Variants in GPC3 observed in about 807,000 individuals in gnomAD.
GPC3 encodes the protein glypican 3, also known as glypican-3.
A neutral mutation model predicts 34.4 loss-of-function variants in GPC3; 3 were observed. That is an observed-to-expected ratio of 0.09 (90% CI 0.04 to 0.23). The LOEUF (loss-of-function observed/expected upper bound fraction) is 0.23, where lower values mean the gene tolerates loss of function less well. GPC3 is among the 10% of genes least tolerant of loss of function. The pLI, the probability that GPC3 is intolerant of heterozygous loss-of-function variation, is 1.00. For missense variants in GPC3, 351 were observed against 445.6 expected, an observed-to-expected ratio of 0.79 and a Z score of 1.91; for synonymous variants, 177 against 174.0, an observed-to-expected ratio of 1.02 and a Z score of -0.13.
chrX:133,576,413 T>C (rs527863603), intron 7 of GPC3, among the ~76,000 whole-genome samples: 28 of 110,905 alleles, frequency 2.5e-4, no homozygotes, highest in Admixed American at 2.4e-3. Flanking sequence ...TTAATTTTTG[T>C]ATTTTTAGCA....
chrX:133,536,401 G>T, intron 7 of GPC3, 108 bp from the exon 8 acceptor site: 1 of 402,928 alleles, frequency 2.5e-6, no homozygotes, highest in South Asian at 3.0e-5. Flanking sequence ...CCTCAGCTTT[G>T]ATTCCCTTTT....
At chrX:133,584,380 C>G (rs1603175583) in intron 7 of GPC3, among the ~76,000 whole-genome samples, 1 of 112,263 alleles carries the variant, frequency 8.9e-6, no homozygotes, top group East Asian at 2.8e-4. Context: ...GAGAACGACT[C>G]TTCTCTGAAG....
At chrX:133,546,605 T>G (rs1403617546) in intron 7 of GPC3, among the ~76,000 whole-genome samples, 1 of 111,318 alleles carries the variant, frequency 9.0e-6, no homozygotes, top group African/African-American at 3.3e-5. Flanking sequence ...TTTGGGATGA[T>G]GAAATATTTT....
At chrX:133,605,312 T>A (rs2070036762) in intron 6 of GPC3, among the ~76,000 whole-genome samples, 1 of 111,612 alleles carries the variant, frequency 9.0e-6, no homozygotes, top group African/African-American at 3.3e-5. Flanking sequence ...TTCACTTGCC[T>A]CACCTGTAAA....
intron 2 of GPC3, among the ~76,000 whole-genome samples, chrX:133,845,510 A>G (rs2075843754): frequency 8.9e-6 from 1 of 111,786 alleles, no homozygotes; most frequent in South Asian, 3.8e-4. Context: ...AGTGAGTCCC[A>G]GTAGCTAAAC....
At chrX:133,727,930 G>T (rs1603234573) in intron 3 of GPC3, among the ~76,000 whole-genome samples, 1 of 112,521 alleles carries the variant, frequency 8.9e-6, no homozygotes, top group East Asian at 2.8e-4. Flanking sequence ...AAAGGCATTT[G>T]TCATTTCAAT....
intron 2 of GPC3, among the ~76,000 whole-genome samples, chrX:133,878,723 T>C (rs1281670192): frequency 3.6e-5 from 4 of 111,621 alleles, no homozygotes; most frequent in Non-Finnish European, 7.5e-5. Context: ...TTTTAAAAGG[T>C]GAGAAAGGAT....
intron 2 of GPC3, among the ~76,000 whole-genome samples, chrX:133,760,468 A>G (rs1310305645): frequency 4.5e-5 from 5 of 112,143 alleles, no homozygotes; most frequent in Non-Finnish European, 9.4e-5. Context: ...AGATTAAGAC[A>G]CAAACAGACA....
At position 133,687,163 on chromosome X, in the gene GPC3, C is replaced by T. The variant is rs1004472816; in HGVS notation, c.1292+5206G>A. Among the ~76,000 whole-genome samples, 7 of 91,121 alleles carry T rather than the reference C, an allele frequency of 7.7e-5. No homozygotes were observed. The East Asian group carries it at 1.0e-3, about 13-fold the overall frequency. 79.1% of individuals were successfully genotyped at this position (91,121 alleles called of 115,157 possible). A position where few individuals can be genotyped will look rare whatever the true frequency, so the allele number is the denominator to read the frequency against. ...TTCACCGTGTTAGCCAGGATGGTCT[C>T]GATCTCCTGACCTCGTGATCCGCCT... On this transcript the variant is annotated intron_variant, in intron 5 of 7. Coordinates refer to ENST00000370818, the MANE Select transcript of GPC3 (RefSeq NM_004484.4).
At chrX:133,944,665 A>G (rs1184101393) in intron 2 of GPC3, among the ~76,000 whole-genome samples, 1 of 112,620 alleles carries the variant, frequency 8.9e-6, no homozygotes. Context: ...GACATTAATT[A>G]TATTAAAACA....
intron 2 of GPC3, among the ~76,000 whole-genome samples, chrX:133,899,650 A>G (rs1009241793): frequency 3.6e-5 from 4 of 111,276 alleles, no homozygotes; most frequent in Non-Finnish European, 7.5e-5. Flanking sequence ...CCAACCCAGA[A>G]GTCTACAGCT....
intron 6 of GPC3, among the ~76,000 whole-genome samples, chrX:133,643,352 G>A (rs968975317): frequency 7.1e-5 from 8 of 112,027 alleles, no homozygotes; most frequent in African/African-American, 2.6e-4. Flanking sequence ...GAGACAGCCA[G>A]TAGAGATGAA....
intron 2 of GPC3, among the ~76,000 whole-genome samples, chrX:133,818,393 C>T (rs1378126848): frequency 9.0e-6 from 1 of 111,512 alleles, no homozygotes; most frequent in Non-Finnish European, 1.9e-5. Context: ...ACTGCATGGC[C>T]CTCTCCCTGA....
At chrX:133,786,287 C>T (rs1462277508) in intron 2 of GPC3, among the ~76,000 whole-genome samples, 2 of 111,338 alleles carry the variant, frequency 1.8e-5, no homozygotes, top group South Asian at 7.6e-4. Context: ...CCCAGCTACT[C>T]GGGAGGCCGA....
At chrX:133,847,372 T>C (rs1275227958) in intron 2 of GPC3, among the ~76,000 whole-genome samples, 1 of 112,275 alleles carries the variant, frequency 8.9e-6, no homozygotes, top group Non-Finnish European at 1.9e-5. Flanking sequence ...CAATTTTCAT[T>C]ATTCAGGAAG....
rs191833619 is a variant in GPC3 at position 133,653,720 on chromosome X, G to A, written c.1413+8010C>T. 4.5e-5 allele frequency among the ~76,000 whole-genome samples: 5 copies of A among 112,317 alleles called. No individual in the cohort carries two copies. In the East Asian group the frequency reaches 1.4e-3, roughly 31 times the overall value. On this transcript the variant is annotated intron_variant, in intron 6 of 7. Coordinates refer to ENST00000370818, the MANE Select transcript of GPC3 (RefSeq NM_004484.4). The stretch of plus-strand genomic sequence containing the variant: ...CAAACTTAGTTAATATCCAAAATAA[G>A]TGATAAATAATTAGCAAGTTCATGA...
At chrX:133,771,713 TC>T (rs2071922675) in intron 2 of GPC3, among the ~76,000 whole-genome samples, 1 of 112,235 alleles carries the variant, frequency 8.9e-6, no homozygotes, top group Non-Finnish European at 1.9e-5. Flanking sequence ...GTCACTACAG[TC>T]TATGCCTCTG....
rs141206609 is a variant in GPC3 at position 133,852,069 on chromosome X, C to A, written c.338-97893G>T. Among the ~76,000 whole-genome samples the A allele has an allele frequency of 5.5e-3, 620 of 111,949 alleles. 7 individuals are homozygous for A. The highest frequency in any genetic ancestry group is 0.019 in the African/African-American group (583 of 30,819). ...ACGAATTAAACGGCTTATATATATC[C>A]CTTCCAGGTCTTAGATCTTACATGG... On this transcript the variant is annotated intron_variant, in intron 2 of 7. Transcript: ENST00000370818.
intron 2 of GPC3, among the ~76,000 whole-genome samples, chrX:133,915,287 C>A (rs2076219173): frequency 9.1e-6 from 1 of 110,073 alleles, no homozygotes; most frequent in Non-Finnish European, 1.9e-5. Context: ...AATTCTCCTG[C>A]CTCACCCTCC....
Sources: gnomAD v4.1 joint callset for allele counts (sites outside exome capture counted in the v4.1 genomes callset) on GRCh38, gnomAD v4.1.1 for gene constraint, MANE v1.5 for transcripts, NCBI Gene and HGNC (gene_info 2026-07-23, HGNC 2026-07-21) for gene names.